TMEM117: variants seen among roughly 807,000 people sequenced by gnomAD.
TMEM117 encodes transmembrane protein 117.
In TMEM117, 27 loss-of-function variants were observed where a neutral mutation model predicts 52.4. The observed-to-expected ratio is 0.51, with a 90% confidence interval of 0.38 to 0.71. The LOEUF is 0.71. TMEM117 is among the 30% of genes least tolerant of loss of function. The pLI, the probability that TMEM117 is intolerant of heterozygous loss-of-function variation, is 0.00. For missense variants in TMEM117, 556 were observed against 630.5 expected, an observed-to-expected ratio of 0.88 and a Z score of 1.26; for synonymous variants, 215 against 206.3, an observed-to-expected ratio of 1.04 and a Z score of -0.36.
chr12:44,091,027 C>G (rs935847699), intron 3 of TMEM117, among the ~76,000 whole-genome samples: 15 of 151,790 alleles, frequency 9.9e-5, no homozygotes, highest in African/African-American at 3.6e-4. Context: ...CATATTAGTC[C>G]GTTTTCATGC....
chr12:44,207,990 A>G (rs1949592431), intron 4 of TMEM117, among the ~76,000 whole-genome samples: 1 of 152,142 alleles, frequency 6.6e-6, no homozygotes, highest in Admixed American at 6.6e-5. Context: ...GTGACTCTTA[A>G]TAAGAAAAAT....
intron 3 of TMEM117, among the ~76,000 whole-genome samples, chr12:44,088,849 C>T (rs1031204815): frequency 2.0e-5 from 3 of 152,158 alleles, no homozygotes; most frequent in African/African-American, 7.2e-5. Context: ...TGAACTGTTG[C>T]CTCCAGCACT....
At chr12:44,394,277 G>A (rs977201759), downstream of TMEM117, among the ~76,000 whole-genome samples, 1 of 152,200 alleles carries the variant, frequency 6.6e-6, no homozygotes, top group Admixed American at 6.5e-5. Context: ...AAAGAAGACT[G>A]TATATATGTG....
intron 4 of TMEM117, among the ~76,000 whole-genome samples, chr12:44,144,085 A>G (rs73290203): frequency 0.031 from 4,650 of 152,160 alleles, 158 homozygotes; most frequent in African/African-American, 0.083. Flanking sequence ...TTAAGAAATC[A>G]TTTTCTACAT....
chr12:44,227,570 G>A (rs1258318846), intron 5 of TMEM117, among the ~76,000 whole-genome samples: 2 of 152,132 alleles, frequency 1.3e-5, no homozygotes, highest in Non-Finnish European at 2.9e-5. Context: ...AGCTCTTTCT[G>A]CCTAATCATG....
intron 3 of TMEM117, among the ~76,000 whole-genome samples, chr12:44,088,387 C>T (rs1947607888): frequency 6.6e-6 from 1 of 152,128 alleles, no homozygotes; most frequent in Non-Finnish European, 1.5e-5. Context: ...AAATTATATT[C>T]AGGGAAATTA....
intron 3 of TMEM117, among the ~76,000 whole-genome samples, chr12:43,989,420 A>G (rs1009042317): frequency 3.3e-5 from 5 of 152,068 alleles, no homozygotes; most frequent in East Asian, 1.9e-4. Flanking sequence ...TAAATATAAG[A>G]CCTAGAATCT....
At chr12:44,022,268 C>T (rs1039260100) in intron 3 of TMEM117, among the ~76,000 whole-genome samples, 8 of 152,058 alleles carry the variant, frequency 5.3e-5, no homozygotes, top group Admixed American at 3.9e-4. Flanking sequence ...ATGATACTAC[C>T]TATAATTATT....
chr12:43,976,150 A>G (rs945588007), intron 3 of TMEM117, among the ~76,000 whole-genome samples: 1 of 152,214 alleles, frequency 6.6e-6, no homozygotes, highest in Non-Finnish European at 1.5e-5. Context: ...AAGCTCTTAC[A>G]CTTCTAGTCG....
chr12:43,876,095 A>G (rs924147079), intron 2 of TMEM117, among the ~76,000 whole-genome samples: 2 of 152,196 alleles, frequency 1.3e-5, no homozygotes, highest in African/African-American at 4.8e-5. Context: ...TACAAGAGAA[A>G]AGTGTGCCCT....
At chr12:44,082,973 A>AT (rs1205633758) in intron 3 of TMEM117, among the ~76,000 whole-genome samples, 1 of 151,712 alleles carries the variant, frequency 6.6e-6, no homozygotes, top group African/African-American at 2.4e-5. Context: ...TCTTTTTGTA[A>AT]TTTTTTTCAT....
At chr12:43,878,007 A>T (rs1253636262) in intron 2 of TMEM117, among the ~76,000 whole-genome samples, 1 of 152,150 alleles carries the variant, frequency 6.6e-6, no homozygotes, top group Admixed American at 6.6e-5. Context: ...TCAAGTTCTT[A>T]AAACTGTATC....
chr12:43,817,922 A>T, the TMEM117 span, among the ~76,000 whole-genome samples: 21 of 152,288 alleles, frequency 1.4e-4, no homozygotes, highest in Admixed American at 1.0e-3. Context: ...AGCTATTTTT[A>T]AAAAATATAA....
chr12:44,034,753 C>T (rs1946684516), intron 3 of TMEM117, among the ~76,000 whole-genome samples: 1 of 152,140 alleles, frequency 6.6e-6, no homozygotes, highest in South Asian at 2.1e-4. Flanking sequence ...AACATTGTGA[C>T]AGTTTTATGA....
intron 4 of TMEM117, among the ~76,000 whole-genome samples, chr12:44,202,243 TA>T (rs1257925408): frequency 2.6e-5 from 4 of 152,126 alleles, no homozygotes; most frequent in Non-Finnish European, 5.9e-5. Flanking sequence ...AGTCTAATTA[TA>T]AAGATAATTA....
intron 2 of TMEM117, among the ~76,000 whole-genome samples, chr12:43,871,166 G>A (rs1020822734): frequency 2.7e-4 from 40 of 145,910 alleles, no homozygotes; most frequent in African/African-American, 1.0e-3. Context: ...GCAGTGGCAC[G>A]ATCTCAGCTC....
chr12:44,276,358 TGGA>T (rs1950510950), intron 5 of TMEM117, among the ~76,000 whole-genome samples: 3 of 152,260 alleles, frequency 2.0e-5, no homozygotes, highest in East Asian at 3.9e-4. Context: ...TGAATAAAGT[TGGA>T]GGACAATGTG....
intron 7 of TMEM117, among the ~76,000 whole-genome samples, chr12:44,386,349 A>G (rs557752601): frequency 1.3e-5 from 2 of 152,284 alleles, no homozygotes; most frequent in Non-Finnish European, 2.9e-5. Flanking sequence ...ACCAGACGCT[A>G]TAGATATTTT....
intron 3 of TMEM117, among the ~76,000 whole-genome samples, chr12:43,949,684 G>T (rs1945189552): frequency 6.6e-6 from 1 of 152,106 alleles, no homozygotes; most frequent in South Asian, 2.1e-4. Context: ...TTTAATGACT[G>T]CCTATCTCCT....
Sources: allele counts gnomAD v4.1 joint callset (sites outside exome capture counted in the v4.1 genomes callset), GRCh38; gene constraint gnomAD v4.1.1; transcripts MANE v1.5; gene names NCBI Gene and HGNC (gene_info 2026-07-23, HGNC 2026-07-21).